Variants in CDYL observed in about 807,000 individuals in gnomAD.
CDYL encodes the protein chromodomain Y-like protein.
Under a neutral mutation model 47.3 loss-of-function variants are expected in CDYL, and 8 were observed. The ratio of observed to expected loss-of-function variants is 0.17; its 90% CI spans 0.10 to 0.31. CDYL has a LOEUF of 0.31. Among genes scored for constraint, CDYL ranks in the 10% least tolerant of loss-of-function variants. The pLI, the probability that CDYL is intolerant of heterozygous loss-of-function variation, is 1.00. For synonymous variants in CDYL, 266 were observed against 265.0 expected, an observed-to-expected ratio of 1.00 and a Z score of -0.04; for missense variants, 471 against 701.4, an observed-to-expected ratio of 0.67 and a Z score of 3.71.
chr6:4,922,092 C>T (rs1292392230), intron 2 of CDYL, among the ~76,000 whole-genome samples: 3 of 152,126 alleles, frequency 2.0e-5, no homozygotes, highest in African/African-American at 4.8e-5. Flanking sequence ...AGCTTAGCAC[C>T]CCTCACCTGC....
rs1345145823 is a variant in CDYL at position 4,713,580 on chromosome 6, ATTTAGATTC to A, written c.-38-2157_-38-2149del. On this transcript the variant is annotated intron_variant, in intron 1 of 8. Transcript: ENST00000328908. ...AATACAGAGTCTTAAAACTTCTATCATTTAGATTCTTTTTTTTTTTTTTTGGAGACAGAA... is the reference window on the plus strand; with the variant it reads ...AATACAGAGTCTTAAAACTTCTATCATTTTTTTTTTTTTTTGGAGACAGAA... Among the ~76,000 whole-genome samples the A allele has an allele frequency of 2.6e-5, 3 of 115,584 alleles. No individual in the cohort carries two copies. The Admixed American group carries it at 2.9e-4, about 11-fold the overall frequency. 75.8% of individuals were successfully genotyped at this position (115,584 alleles called of 152,430 possible). A position where few individuals can be genotyped will look rare whatever the true frequency, so the allele number is the denominator to read the frequency against.
intron 2 of CDYL, among the ~76,000 whole-genome samples, chr6:4,925,605 G>A (rs547610657): frequency 1.3e-5 from 2 of 151,788 alleles, no homozygotes; most frequent in Admixed American, 6.6e-5. Flanking sequence ...TTTAGTAGAG[G>A]CGGGGTTTCA....
chr6:4,835,390 A>G (rs1193322842), intron 1 of CDYL, among the ~76,000 whole-genome samples: 2 of 152,154 alleles, frequency 1.3e-5, no homozygotes, highest in African/African-American at 2.4e-5. Context: ...ACAGTGGTTT[A>G]TCATGAACCA....
chr6:4,722,668 G>A (rs1255022093), intron 2 of CDYL, among the ~76,000 whole-genome samples: 1 of 152,170 alleles, frequency 6.6e-6, no homozygotes, highest in Non-Finnish European at 1.5e-5. Flanking sequence ...CTTGAGGCCA[G>A]GAGTTTGAGA....
chr6:4,717,789 T>C (rs1561820846), intron 2 of CDYL, among the ~76,000 whole-genome samples: 1 of 151,596 alleles, frequency 6.6e-6, no homozygotes, highest in Admixed American at 6.6e-5. Context: ...TTTTTGGTTT[T>C]TGTTGTTTTC....
At chr6:4,873,551 A>G (rs953121454) in intron 1 of CDYL, among the ~76,000 whole-genome samples, 1 of 152,148 alleles carries the variant, frequency 6.6e-6, no homozygotes, top group Non-Finnish European at 1.5e-5. Context: ...GCAATTTTTA[A>G]TGGGATGGAT....
intron 1 of CDYL, among the ~76,000 whole-genome samples, chr6:4,849,598 A>C (rs1337904643): frequency 2.0e-5 from 3 of 152,148 alleles, no homozygotes; most frequent in African/African-American, 7.2e-5. Flanking sequence ...CTTTTGCACA[A>C]AAACTTTACT....
intron 5 of CDYL, 112 bp from the exon 6 acceptor site, chr6:4,952,154 C>T: frequency 7.0e-6 from 9 of 1,283,856 alleles, no homozygotes; most frequent in Non-Finnish European, 8.5e-6. Flanking sequence ...CCCCATTTCC[C>T]TGCGGGGCTG....
chr6:4,915,359 C>CT (rs1220757737), intron 2 of CDYL, among the ~76,000 whole-genome samples: 1 of 152,150 alleles, frequency 6.6e-6, no homozygotes, highest in Non-Finnish European at 1.5e-5. Context: ...GTTTGATAAA[C>CT]TTATGTGTTT....
At chr6:4,848,985 A>C (rs950649753) in intron 1 of CDYL, among the ~76,000 whole-genome samples, 28 of 152,270 alleles carry the variant, frequency 1.8e-4, no homozygotes, top group Admixed American at 9.2e-4. Context: ...CAAAGATTAA[A>C]AAGATAAGTA....
intron 1 of CDYL, among the ~76,000 whole-genome samples, chr6:4,793,747 A>G (rs1010489440): frequency 6.6e-6 from 1 of 152,034 alleles, no homozygotes; most frequent in Non-Finnish European, 1.5e-5. Flanking sequence ...GAGTGATTGC[A>G]TTTCGGGGAT....
At chr6:4,854,239 C>T (rs1289650347) in intron 1 of CDYL, among the ~76,000 whole-genome samples, 1 of 152,216 alleles carries the variant, frequency 6.6e-6, no homozygotes, top group East Asian at 1.9e-4. Context: ...GGAATTGTCG[C>T]TTAGATTCTT....
chr6:4,923,818 G>A (rs1430469067), intron 2 of CDYL, among the ~76,000 whole-genome samples: 1 of 151,582 alleles, frequency 6.6e-6, no homozygotes, highest in Non-Finnish European at 1.5e-5. Flanking sequence ...GGAGAATGGC[G>A]TGAACCCGGG....
chr6:4,750,785 G>A (rs1014286229), intron 3 of CDYL, among the ~76,000 whole-genome samples: 9 of 151,596 alleles, frequency 5.9e-5, no homozygotes, highest in Admixed American at 2.6e-4. Context: ...AAAAAATCAC[G>A]CGTGTCTTTC....
Position 4,750,942 on chromosome 6 carries a change from TC to T in CDYL, c.186+16100del, listed in dbSNP as rs1757978747. Reference sequence around the variant, plus strand: ...ATCTCGGCTCACTGCAAGCTCTGCCTCCTGGGTTCACGCCATTCTCCTGCCT... The same window carrying T: ...ATCTCGGCTCACTGCAAGCTCTGCCTCTGGGTTCACGCCATTCTCCTGCCT... On this transcript the variant is annotated intron_variant, in intron 3 of 8. Transcript: ENST00000328908. Among the ~76,000 whole-genome samples the T allele has an allele frequency of 2.0e-5, 3 of 151,362 alleles. No individual in the cohort carries two copies. The South Asian group carries it at 6.3e-4, about 32-fold the overall frequency.
chr6:4,778,256 T>C (rs1268211220), intron 1 of CDYL, among the ~76,000 whole-genome samples: 1 of 152,226 alleles, frequency 6.6e-6, no homozygotes, highest in Admixed American at 6.5e-5. Flanking sequence ...TTTGGTTGTT[T>C]AGTCATGAGT....
At chr6:4,877,032 T>C (rs1761638917) in intron 1 of CDYL, among the ~76,000 whole-genome samples, 1 of 152,244 alleles carries the variant, frequency 6.6e-6, no homozygotes, top group Non-Finnish European at 1.5e-5. Flanking sequence ...ATGTGCCATC[T>C]GTGAGGAATG....
At chr6:4,807,200 C>T (rs1246690102) in intron 1 of CDYL, among the ~76,000 whole-genome samples, 2 of 152,134 alleles carry the variant, frequency 1.3e-5, no homozygotes, top group African/African-American at 4.8e-5. Context: ...ATGGTTAGGG[C>T]TTCAATATAG....
intron 2 of CDYL, among the ~76,000 whole-genome samples, chr6:4,722,205 C>T (rs978945537): frequency 1.3e-5 from 2 of 152,062 alleles, no homozygotes; most frequent in African/African-American, 4.8e-5. Context: ...GTAGCTTATA[C>T]CTTTAATCCC....
Sources: allele counts gnomAD v4.1 joint callset (sites outside exome capture counted in the v4.1 genomes callset), GRCh38; gene constraint gnomAD v4.1.1; transcripts MANE v1.5; gene names NCBI Gene and HGNC (gene_info 2026-07-23, HGNC 2026-07-21).